Variants in CWC27 observed in about 807,000 individuals in gnomAD.
CWC27 encodes the protein CWC27 spliceosome associated cyclophilin, also known as spliceosome-associated protein CWC27 homolog.
CWC27 carries 47 observed loss-of-function variants against 63.6 expected under a neutral mutation model. That is an observed-to-expected ratio of 0.74 (90% CI 0.58 to 0.94). CWC27 has a LOEUF of 0.94. Ranked by LOEUF, CWC27 falls within the 40% of genes least tolerant of loss-of-function variation. The probability of loss-of-function intolerance (pLI) is 0.00; values close to 1 mark genes in which losing one functional copy is unlikely to be tolerated. For synonymous variants in CWC27, 175 were observed against 179.8 expected, an observed-to-expected ratio of 0.97 and a Z score of 0.22; for missense variants, 495 against 554.3, an observed-to-expected ratio of 0.89 and a Z score of 1.07.
At chr5:64,913,877 A>G (rs115043900) in intron 11 of CWC27, among the ~76,000 whole-genome samples, 4,449 of 152,178 alleles carry the variant, frequency 0.029, 236 homozygotes, top group African/African-American at 0.1. Flanking sequence ...AGCAGCAAAG[A>G]CAGTCAAGAT....
chr5:64,795,475 C>G (rs1459188127), intron 7 of CWC27, among the ~76,000 whole-genome samples: 1 of 152,260 alleles, frequency 6.6e-6, no homozygotes, highest in Middle Eastern at 3.4e-3. Context: ...GGCTAAATAT[C>G]AAGGCATTTG....
chr5:64,896,761 A>G (rs1747386552), intron 11 of CWC27, among the ~76,000 whole-genome samples: 1 of 152,122 alleles, frequency 6.6e-6, no homozygotes, highest in African/African-American at 2.4e-5. Context: ...AAAAAGAAAA[A>G]AGATGGCATG....
intron 10 of CWC27, among the ~76,000 whole-genome samples, chr5:64,833,481 C>G (rs1421907447): frequency 6.6e-6 from 1 of 151,638 alleles, no homozygotes; most frequent in Non-Finnish European, 1.5e-5. Flanking sequence ...TTTAAATGTC[C>G]TTGAGAGGTA....
At chr5:65,004,378 C>CTTTTTTTTTTTTTT (rs70983659) in intron 13 of CWC27, among the ~76,000 whole-genome samples, 1 of 79,536 alleles carries the variant, frequency 1.3e-5, no homozygotes, top group Non-Finnish European at 2.3e-5. Flanking sequence ...GTTGTATAGG[C>CTTTTTTTTTTTTTT]TTTTTTTTTT....
chr5:64,918,966 A>G (rs2112387978), intron 11 of CWC27, among the ~76,000 whole-genome samples: 1 of 152,314 alleles, frequency 6.6e-6, no homozygotes, highest in South Asian at 2.1e-4. Flanking sequence ...GGTGTTATAT[A>G]AATGTCATGT....
intron 10 of CWC27, among the ~76,000 whole-genome samples, chr5:64,821,805 C>T (rs1162579848): frequency 6.6e-6 from 1 of 152,142 alleles, no homozygotes; most frequent in African/African-American, 2.4e-5. Context: ...AGGATTTAAA[C>T]ACAGATATCC....
chr5:64,790,072 G>T (rs903410280), intron 7 of CWC27, among the ~76,000 whole-genome samples: 1 of 151,982 alleles, frequency 6.6e-6, no homozygotes, highest in Non-Finnish European at 1.5e-5. Context: ...TAATTAAAAT[G>T]GTGTGTATAT....
intron 11 of CWC27, among the ~76,000 whole-genome samples, chr5:64,956,218 C>A (rs570090819): frequency 6.6e-6 from 1 of 152,196 alleles, no homozygotes; most frequent in African/African-American, 2.4e-5. Flanking sequence ...AAGAGGCTCA[C>A]AAACACCTAT....
At chr5:64,941,415 TG>T (rs1432525011) in intron 11 of CWC27, among the ~76,000 whole-genome samples, 11 of 152,214 alleles carry the variant, frequency 7.2e-5, no homozygotes, top group Admixed American at 7.2e-4. Context: ...TGAGAATACT[TG>T]CTTCTTTGCT....
intron 12 of CWC27, among the ~76,000 whole-genome samples, chr5:64,975,226 G>A (rs1411007256): frequency 6.6e-6 from 1 of 152,100 alleles, no homozygotes; most frequent in Admixed American, 6.5e-5. Context: ...GACACCATTT[G>A]TCTTTATTAA....
chr5:64,796,131 T>C (rs565588371), intron 7 of CWC27, among the ~76,000 whole-genome samples: 1 of 151,808 alleles, frequency 6.6e-6, no homozygotes, highest in Admixed American at 6.6e-5. Flanking sequence ...GGAGAATAGA[T>C]TGTGGCCTCT....
chr5:64,948,435 G>A (rs532345658), intron 11 of CWC27, among the ~76,000 whole-genome samples: 1 of 151,320 alleles, frequency 6.6e-6, no homozygotes, highest in African/African-American at 2.4e-5. Context: ...TCTAGTAGAT[G>A]TACTAACCGT....
At position 64,783,897 on chromosome 5, in the gene CWC27, G is replaced by T. The variant is rs1293680887; in HGVS notation, c.314G>T (p.Gly105Val). Residue 105 changes from glycine (G) to valine (V), a missense_variant, in exon 4 of 14, where the codon GGT (glycine) becomes GTT (valine). Gly to Val is a moderately radical substitution (Grantham distance 109). Coordinates refer to ENST00000381070, the MANE Select transcript of CWC27 (RefSeq NM_005869.4). ...RRGLVAMANA[G>V]SHDNGSQFFF... ...GGACTGGTTGCCATGGCAAATGCTG[G>T]TTCTCATGATAATGGCAGCCAGTTT... 6.2e-7 allele frequency: 1 copy of T among 1,607,178 alleles called. No individual in the cohort carries two copies. Among genetic ancestry groups the T allele is most frequent in the Admixed American group, 1.7e-5 (1 of 58,946 alleles).
chr5:64,772,579 A>C (rs1002960542), intron 1 of CWC27, among the ~76,000 whole-genome samples: 4 of 133,634 alleles, frequency 3.0e-5, no homozygotes, highest in African/African-American at 8.5e-5. Context: ...GTGAACTGAG[A>C]TCACACCACT....
At chr5:64,898,585 G>A (rs1167364901) in intron 11 of CWC27, among the ~76,000 whole-genome samples, 1 of 152,014 alleles carries the variant, frequency 6.6e-6, no homozygotes, top group Admixed American at 6.6e-5. Flanking sequence ...CTACGTACAA[G>A]GAGTGTCATT....
chr5:64,931,194 C>A (rs1203343871), intron 11 of CWC27, among the ~76,000 whole-genome samples: 2 of 152,002 alleles, frequency 1.3e-5, no homozygotes, highest in Non-Finnish European at 2.9e-5. Context: ...AGAGATTATT[C>A]TTGTTCTTAT....
chr5:64,863,635 TG>T (rs1746467171), intron 10 of CWC27, among the ~76,000 whole-genome samples: 1 of 152,002 alleles, frequency 6.6e-6, no homozygotes. Flanking sequence ...GCTATGACTA[TG>T]GGAACGCACC....
chr5:64,996,848 C>T (rs1467483510), intron 13 of CWC27, among the ~76,000 whole-genome samples: 1 of 152,084 alleles, frequency 6.6e-6, no homozygotes, highest in Admixed American at 6.5e-5. Context: ...GAAATCGTCG[C>T]TTTCAGAGGT....
chr5:64,787,221 T>C (rs923339522), intron 6 of CWC27, among the ~76,000 whole-genome samples: 2 of 104,158 alleles, frequency 1.9e-5, no homozygotes, highest in Non-Finnish European at 3.8e-5. Flanking sequence ...ACCATATTAG[T>C]GGTTTTGTTT....
Sources: allele counts gnomAD v4.1 joint callset (sites outside exome capture counted in the v4.1 genomes callset), GRCh38; gene constraint gnomAD v4.1.1; transcripts MANE v1.5; gene names NCBI Gene and HGNC (gene_info 2026-07-23, HGNC 2026-07-21).